RNF220: variants seen among roughly 807,000 people sequenced by gnomAD.
The protein encoded by RNF220 is E3 ubiquitin-protein ligase RNF220.
RNF220 carries 7 observed loss-of-function variants against 67.1 expected under a neutral mutation model. The observed-to-expected ratio is 0.10, with a 90% CI of 0.06 to 0.20. The LOEUF (loss-of-function observed/expected upper bound fraction) is 0.20, where lower values mean the gene tolerates loss of function less well. Among genes scored for constraint, RNF220 ranks in the 10% least tolerant of loss-of-function variants. The pLI is 1.00. For synonymous variants in RNF220, 270 were observed against 283.2 expected (o/e 0.95, Z 0.47); for missense variants, 565 against 740.3 (o/e 0.76, Z 2.75).
chr1:44,575,630 AT>A (rs1664750169), intron 2 of RNF220, among the ~76,000 whole-genome samples: 1 of 152,260 alleles, frequency 6.6e-6, no homozygotes, highest in Non-Finnish European at 1.5e-5. Flanking sequence ...AATGGCTATT[AT>A]TAAAAAGACA....
Position 44,650,577 on chromosome 1 carries a change from G to C in RNF220, c.1630-127G>C, listed in dbSNP as rs1644765117. ...CACAGAAGCTGCCTATGCGTCCCCA[G>C]CCTGGGCTGACAGGACCAAGGTCTC... On this transcript the variant is annotated intron_variant, in intron 14 of 14. Transcript: ENST00000361799. This position sits in a 1 kb window ranked among gnomAD's most constrained non-coding sequence, Gnocchi z 4.3. The C allele has an allele frequency of 3.0e-6, 3 of 1,007,348 alleles. No individual in the cohort carries two copies. The highest frequency in any genetic ancestry group is 1.4e-5 in the South Asian group (1 of 72,134). 62.4% of individuals were successfully genotyped at this position (1,007,348 alleles called of 1,614,324 possible).
At chr1:44,610,849 G>A (rs796876691) in intron 2 of RNF220, among the ~76,000 whole-genome samples, 22 of 152,310 alleles carry the variant, frequency 1.4e-4, no homozygotes, top group African/African-American at 4.6e-4. Context: ...ATGGGGTTGA[G>A]GGCTTCATTT....
At chr1:44,424,174 G>T (rs1649512976) in intron 2 of RNF220, 1 of 241,432 alleles carries the variant, frequency 4.1e-6, no homozygotes, top group South Asian at 1.5e-4. Flanking sequence ...AAAAAGAAAT[G>T]ATAATGTAAA....
intron 2 of RNF220, among the ~76,000 whole-genome samples, chr1:44,495,986 C>T (rs1044268879): frequency 3.3e-5 from 5 of 152,184 alleles, no homozygotes; most frequent in East Asian, 1.9e-4. Context: ...AGGGTCAGTT[C>T]GTGCAGGGCT....
At chr1:44,584,412 C>G (rs920494313) in intron 2 of RNF220, among the ~76,000 whole-genome samples, 1 of 152,202 alleles carries the variant, frequency 6.6e-6, no homozygotes, top group African/African-American at 2.4e-5. Flanking sequence ...TCATTAACCT[C>G]GTAGGGATTA....
chr1:44,614,674 C>T (rs2148430240), intron 3 of RNF220, among the ~76,000 whole-genome samples: 1 of 152,268 alleles, frequency 6.6e-6, no homozygotes, highest in South Asian at 2.1e-4. Context: ...AGTCCTTCCT[C>T]CAGTGGGGTG....
At chr1:44,525,320 G>A (rs1660282853) in intron 2 of RNF220, among the ~76,000 whole-genome samples, 1 of 152,232 alleles carries the variant, frequency 6.6e-6, no homozygotes, top group African/African-American at 2.4e-5. Context: ...AAGGCTGCTG[G>A]CTGGTGTGCA....
intron 2 of RNF220, among the ~76,000 whole-genome samples, chr1:44,475,076 G>GA (rs112605382): frequency 0.041 from 6,115 of 150,438 alleles, 332 homozygotes; most frequent in African/African-American, 0.12. Context: ...TAAGACTGAG[G>GA]AAAAAAAAAT....
At position 44,412,941 on chromosome 1, in the gene RNF220, C is replaced by T. The variant is rs555632048; in HGVS notation, c.625+219C>T. Among the ~76,000 whole-genome samples, 1 of 152,292 alleles carries T rather than the reference C, an allele frequency of 6.6e-6. No homozygotes were observed. The highest frequency in any genetic ancestry group is 2.1e-4 in the South Asian group (1 of 4,820). Reference sequence around the variant, plus strand: ...AAAGTAGCCAGAGGCAAGTTGGCCCCAGCACAGCCTTTCTCTCCGGACCCT... The same window carrying T: ...AAAGTAGCCAGAGGCAAGTTGGCCCTAGCACAGCCTTTCTCTCCGGACCCT... On this transcript the variant is annotated intron_variant, in intron 2 of 14. Transcript: ENST00000361799. This position sits in a 1 kb window ranked among gnomAD's most constrained non-coding sequence, Gnocchi z 5.3.
chr1:44,564,899 G>A (rs1019167629), intron 2 of RNF220, among the ~76,000 whole-genome samples: 1 of 151,122 alleles, frequency 6.6e-6, no homozygotes, highest in Admixed American at 6.6e-5. Flanking sequence ...CTGCCCCTTA[G>A]ATTGTAAGTT....
Position 44,651,032 on chromosome 1 carries a change from G to T in RNF220, c.*257G>T. The T allele has an allele frequency of 2.0e-6, 1 of 499,132 alleles. No individual in the cohort carries two copies. The highest frequency in any genetic ancestry group is 3.7e-6 in the Non-Finnish European group (1 of 270,422). 30.9% of individuals were successfully genotyped at this position (499,132 alleles called of 1,614,324 possible). A position where few individuals can be genotyped will look rare whatever the true frequency, so the allele number is the denominator to read the frequency against. The stretch of plus-strand genomic sequence containing the variant: ...TACCTGTTCCAGCTCTGTTCCCAGG[G>T]TGGGGCAGGGAGGTGGGGGTTGGGG... On this transcript the variant is annotated 3_prime_UTR_variant, in exon 15 of 15. Transcript: ENST00000361799.
At chr1:44,456,539 G>T (rs1653199559) in intron 2 of RNF220, among the ~76,000 whole-genome samples, 1 of 152,144 alleles carries the variant, frequency 6.6e-6, no homozygotes, top group Non-Finnish European at 1.5e-5. Flanking sequence ...TTAGGCACTG[G>T]GAATACAGCA....
intron 2 of RNF220, among the ~76,000 whole-genome samples, chr1:44,493,443 G>A (rs1304393578): frequency 3.3e-5 from 5 of 152,156 alleles, no homozygotes; most frequent in Admixed American, 2.0e-4. Context: ...GAACCTGGGA[G>A]GTGGAGGTTG....
At position 44,590,703 on chromosome 1, in the gene RNF220, G is replaced by A. The variant is rs79407044; in HGVS notation, c.626-23462G>A. 4.6e-5 allele frequency among the ~76,000 whole-genome samples: 7 copies of A among 152,246 alleles called. No homozygotes were observed. The South Asian group carries it at 8.3e-4, about 18-fold the overall frequency. On this transcript the variant is annotated intron_variant, in intron 2 of 14. Coordinates refer to ENST00000361799, the MANE Select transcript of RNF220 (RefSeq NM_018150.4). ...ATACCAGAGATGATGAATAGGAAGC[G>A]GGGGGGCCAGGGAGGATTCATTCAC... is the stretch of plus-strand genomic sequence containing the variant.
intron 2 of RNF220, among the ~76,000 whole-genome samples, chr1:44,465,252 T>C (rs189618620): frequency 9.7e-4 from 147 of 152,204 alleles, no homozygotes; most frequent in African/African-American, 3.4e-3. Flanking sequence ...AAAAGCAGGT[T>C]ACTGAATCTA....
rs552662782 is a variant in RNF220 at position 44,561,063 on chromosome 1, A to G, written c.626-53102A>G. ...TCCTGGGAATGGAGAAATGAATCAG[A>G]CATGCATCCTGCCCCAGAGAACTTT... On this transcript the variant is annotated intron_variant, in intron 2 of 14. Coordinates refer to ENST00000361799, the MANE Select transcript of RNF220 (RefSeq NM_018150.4). Among the ~76,000 whole-genome samples the G allele has an allele frequency of 2.8e-4, 43 of 152,362 alleles. 1 individual carries two copies. The South Asian group carries it at 8.7e-3, about 31-fold the overall frequency.
At chr1:44,569,056 C>T (rs750291427) in intron 2 of RNF220, among the ~76,000 whole-genome samples, 1 of 152,124 alleles carries the variant, frequency 6.6e-6, no homozygotes, top group Non-Finnish European at 1.5e-5. Context: ...TTTAAACAGA[C>T]CTTGAGGTTT....
At chr1:44,458,264 A>G (rs1461091436) in intron 2 of RNF220, among the ~76,000 whole-genome samples, 1 of 152,050 alleles carries the variant, frequency 6.6e-6, no homozygotes, top group Non-Finnish European at 1.5e-5. Flanking sequence ...CTCTTAAAAA[A>G]AAAAATAACA....
intron 2 of RNF220, among the ~76,000 whole-genome samples, chr1:44,441,577 T>C (rs1238645279): frequency 6.6e-6 from 1 of 152,146 alleles, no homozygotes; most frequent in African/African-American, 2.4e-5. Flanking sequence ...AAGAGAACAT[T>C]TTAAATGGAT....
Sources: allele counts gnomAD v4.1 joint callset (sites outside exome capture counted in the v4.1 genomes callset), GRCh38; gene constraint gnomAD v4.1.1; non-coding constraint Gnocchi (gnomAD v3.1); transcripts MANE v1.5; gene names NCBI Gene and HGNC (gene_info 2026-07-23, HGNC 2026-07-21).